Variants in NUGGC observed in about 807,000 individuals in gnomAD.
NUGGC encodes the protein nuclear GTPase SLIP-GC.
A neutral mutation model predicts 92.6 loss-of-function variants in NUGGC; 58 were observed. The ratio of observed to expected loss-of-function variants is 0.63; its 90% confidence interval spans 0.51 to 0.78. The LOEUF (loss-of-function observed/expected upper bound fraction) is 0.78, where lower values mean the gene tolerates loss of function less well. Ranked by LOEUF, NUGGC falls within the 30% of genes least tolerant of loss-of-function variation. The probability of loss-of-function intolerance (pLI) is 0.00; values close to 1 mark genes in which losing one functional copy is unlikely to be tolerated. For synonymous variants in NUGGC, 376 were observed against 366.4 expected, an observed-to-expected ratio of 1.03 and a Z score of -0.30; for missense variants, 925 against 964.6, an observed-to-expected ratio of 0.96 and a Z score of 0.54.
intron 12 of NUGGC, among the ~76,000 whole-genome samples, chr8:28,041,568 C>T (rs1211524146): frequency 6.6e-6 from 1 of 152,252 alleles, no homozygotes; most frequent in East Asian, 1.9e-4. Flanking sequence ...CCAATGACAT[C>T]TGATTCAACA....
intron 18 of NUGGC, among the ~76,000 whole-genome samples, chr8:28,024,457 C>A (rs1809204476): frequency 6.6e-6 from 1 of 152,124 alleles, no homozygotes; most frequent in African/African-American, 2.4e-5. Context: ...GGCCTCCCTG[C>A]ATCAGATTTT....
chr8:28,060,665 T>C (rs1345290226), intron 7 of NUGGC, 64 bp from the exon 8 acceptor site: 1 of 1,466,638 alleles, frequency 6.8e-7, no homozygotes, highest in Non-Finnish European at 9.3e-7. Flanking sequence ...GAGGACCGGT[T>C]CCCTAATGTA....
At position 28,047,551 on chromosome 8, in the gene NUGGC, G is replaced by A; in HGVS notation, c.1268C>T (p.Ala423Val). 1.3e-6 allele frequency: 2 copies of A among 1,570,180 alleles called. No individual in the cohort carries two copies. The highest frequency in any genetic ancestry group is 8.6e-7 in the Non-Finnish European group (1 of 1,156,468). Residue 423 changes from alanine (A) to valine (V), a missense_variant, in exon 11 of 19, where the codon GCC becomes GTC. Coordinates refer to ENST00000413272, the MANE Select transcript of NUGGC (RefSeq NM_001010906.2). ...EASDLVYTVS[A>V]QEYWQQALLT... ...GAGAGCCTGCTGCCAGTACTCCTGG[G>A]CGCTGACTGTATACACCAGATCTGA...
chr8:28,062,221 T>C (rs1810324284), intron 7 of NUGGC, among the ~76,000 whole-genome samples: 1 of 152,210 alleles, frequency 6.6e-6, no homozygotes, highest in African/African-American at 2.4e-5. Flanking sequence ...CACACGACGA[T>C]GGATCCTGTC....
chr8:28,075,375 C>T (rs1810695626), intron 1 of NUGGC, among the ~76,000 whole-genome samples: 1 of 152,142 alleles, frequency 6.6e-6, no homozygotes, highest in Non-Finnish European at 1.5e-5. Flanking sequence ...GGTCTCCAGT[C>T]CACCAGCAGA....
chr8:28,045,450 G>A, intron 12 of NUGGC, 77 bp downstream of exon 12: 2 of 1,389,746 alleles, frequency 1.4e-6, no homozygotes, highest in Non-Finnish European at 2.0e-6. Context: ...AATATCATAA[G>A]TTAATTTTCT....
At chr8:28,072,817 A>G (rs1670678140) in intron 2 of NUGGC, among the ~76,000 whole-genome samples, 1 of 152,040 alleles carries the variant, frequency 6.6e-6, no homozygotes, top group South Asian at 2.1e-4. Context: ...ATTCTTGTCC[A>G]TCGCTCAAGC....
At chr8:28,045,780 G>A (rs952543534) in intron 11 of NUGGC, 120 bp from the exon 12 acceptor site, 2 of 1,073,070 alleles carry the variant, frequency 1.9e-6, no homozygotes, top group South Asian at 1.6e-5. Context: ...GATCCCAAGT[G>A]GGCTGGATGC....
At chr8:28,060,224 T>C (rs530273882) in intron 8 of NUGGC, 1 of 684,882 alleles carries the variant, frequency 1.5e-6, no homozygotes, top group South Asian at 1.5e-5. Flanking sequence ...GCAGCTACCC[T>C]GGAAGGTTCA....
At position 28,029,339 on chromosome 8, in the gene NUGGC, A is replaced by G; in HGVS notation, c.2081T>C (p.Val694Ala). 6.2e-7 allele frequency: 1 copy of G among 1,610,800 alleles called. No individual in the cohort carries two copies. Among genetic ancestry groups the G allele is most frequent in the South Asian group, 1.1e-5 (1 of 90,348 alleles). ...CATGCCCTCAGCCACCTGCCGGTCC[A>G]CTCCTCTTCTGATGGCATCTTTCAT... ...ERMKDAIRRG[V>A]DRQVAEGMFE... Residue 694 changes from valine (V) to alanine (A), a missense_variant, in exon 17 of 19, where the codon GTG becomes GCG. Val to Ala is a moderately conservative substitution (Grantham distance 64). Transcript: ENST00000413272.
chr8:28,035,096 G>C (rs1809521123), intron 13 of NUGGC, among the ~76,000 whole-genome samples: 1 of 152,170 alleles, frequency 6.6e-6, no homozygotes, highest in South Asian at 2.1e-4. Flanking sequence ...AAGTCCTGGA[G>C]ACGCTCGAAA....
intron 5 of NUGGC, 132 bp from the exon 6 acceptor site, chr8:28,067,876 G>A (rs1366020069): frequency 1.7e-5 from 12 of 704,874 alleles, no homozygotes; most frequent in Admixed American, 8.4e-5. Context: ...TCTATCTGGG[G>A]TCTCGAAGAG....
intron 18 of NUGGC, among the ~76,000 whole-genome samples, chr8:28,024,036 C>T (rs1055596448): frequency 6.6e-6 from 1 of 151,828 alleles, no homozygotes; most frequent in African/African-American, 2.4e-5. Flanking sequence ...CAGCCTTGGG[C>T]CTTTGACATG....
Position 28,045,622 on chromosome 8 carries a change from A to T in NUGGC, c.1351T>A (p.Leu451Met). 6.2e-7 allele frequency: 1 copy of T among 1,613,294 alleles called. No homozygotes were observed. Among genetic ancestry groups the T allele is most frequent in the Non-Finnish European group, 8.5e-7 (1 of 1,179,762 alleles). ...GTCACTGTCCTCTTCTTCTTGTCCAAGAGGCTCTTCCTGATGTATTCTCTT... is the reference window on the plus strand; with the variant it reads ...GTCACTGTCCTCTTCTTCTTGTCCATGAGGCTCTTCCTGATGTATTCTCTT... Reference protein sequence around the residue: ...KLREYIRKSLLDKKKRTVTKY... With the variant: ...KLREYIRKSLMDKKKRTVTKY... The change falls in exon 12 of 19, where the codon TTG becomes ATG. Residue 451 changes from leucine (L) to methionine (M), a missense_variant. Physicochemically the swap from Leu to Met is conservative, Grantham distance 15 (BLOSUM62 2). Transcript: ENST00000413272.
chr8:28,078,960 G>A (rs928220273), intron 1 of NUGGC, among the ~76,000 whole-genome samples: 1 of 152,180 alleles, frequency 6.6e-6, no homozygotes, highest in African/African-American at 2.4e-5. Flanking sequence ...TCAGCTATGT[G>A]GTTAGCACTG....
chr8:28,044,835 T>G (rs1809788577), intron 12 of NUGGC, among the ~76,000 whole-genome samples: 1 of 152,184 alleles, frequency 6.6e-6, no homozygotes, highest in Non-Finnish European at 1.5e-5. Context: ...ATTCTATCTC[T>G]CATAAGGAGA....
At chr8:28,056,802 G>A (rs1344898810) in intron 9 of NUGGC, among the ~76,000 whole-genome samples, 1 of 152,162 alleles carries the variant, frequency 6.6e-6, no homozygotes, top group Non-Finnish European at 1.5e-5. Flanking sequence ...TGGCAGTCAA[G>A]AGGAATGTAA....
Position 28,078,012 on chromosome 8 carries a change from T to C in NUGGC, c.-46-3556A>G, listed in dbSNP as rs78221128. Among the ~76,000 whole-genome samples, 63 of 152,364 alleles carry C rather than the reference T, an allele frequency of 4.1e-4. 2 individuals are homozygous for C. In the East Asian group the frequency reaches 0.01, roughly 24 times the overall value. ...AGAATCACAAGAACTTTAGTTCATTTGACTTCATTTACTAAATCAACAGTA... is the reference window on the plus strand; with the variant it reads ...AGAATCACAAGAACTTTAGTTCATTCGACTTCATTTACTAAATCAACAGTA... On this transcript the variant is annotated intron_variant, in intron 1 of 18. Transcript: ENST00000413272.
In NUGGC at chr8:28,070,330, T is replaced by C. The variant is rs1320785771; in HGVS notation, c.70A>G (p.Thr24Ala). Reference protein sequence around the residue: ...PVEDDLYKERTRKRRKSDRDQ... With the variant: ...PVEDDLYKERARKRRKSDRDQ... ...CGATCTGATTTCCTTCTTTTTCTCGTTCGTTCTTTATATAAATCATCTTCA... is the reference window on the plus strand; with the variant it reads ...CGATCTGATTTCCTTCTTTTTCTCGCTCGTTCTTTATATAAATCATCTTCA... Residue 24 changes from threonine (T) to alanine (A), a missense_variant, in exon 3 of 19, where the codon ACG becomes GCG. By Grantham distance (58) the Thr-to-Ala change is moderately conservative. Transcript: ENST00000413272. 5.8e-6 allele frequency: 9 copies of C among 1,542,096 alleles called. No homozygotes were observed. Among genetic ancestry groups the C allele is most frequent in the Non-Finnish European group, 7.0e-6 (8 of 1,137,784 alleles).
Sources: gnomAD v4.1 joint callset for allele counts (sites outside exome capture counted in the v4.1 genomes callset) on GRCh38, gnomAD v4.1.1 for gene constraint, MANE v1.5 for transcripts, NCBI Gene and HGNC (gene_info 2026-07-23, HGNC 2026-07-21) for gene names.